The following L1CAM variants were observed in gnomAD, a reference collection of about 807,000 sequenced individuals.
L1CAM encodes the protein L1 cell adhesion molecule.
In L1CAM, 8 loss-of-function variants were observed where a neutral mutation model predicts 93.0. The observed-to-expected ratio is 0.09, with a 90% confidence interval of 0.05 to 0.16. The LOEUF is 0.16. Among genes scored for constraint, L1CAM ranks in the 10% least tolerant of loss-of-function variants. L1CAM has a pLI of 1.00. For missense variants in L1CAM, 777 were observed against 1,073.4 expected (o/e 0.72, Z 3.86); for synonymous variants, 453 against 453.0 (o/e 1.00, Z 0.00).
chrX:153,863,754 C>T, intron 26 of L1CAM, 129 bp downstream of exon 26: 1 of 994,405 alleles, frequency 1.0e-6, no homozygotes, highest in Admixed American at 2.4e-5. Context: ...CCCCTGCCTG[C>T]CCCCACCATG....
At chrX:153,883,397 G>A (rs2064856824) in intron 1 of L1CAM, among the ~76,000 whole-genome samples, 1 of 109,622 alleles carries the variant, frequency 9.1e-6, no homozygotes, top group Non-Finnish European at 1.9e-5. Flanking sequence ...GGCCCTGGGG[G>A]TGGGGCACAG....
chrX:153,876,094 C>G lies in L1CAM; in HGVS notation c.-108-150G>C, dbSNP rs2064812391. The stretch of plus-strand genomic sequence containing the variant: ...GCCGGCTTCTCCAGCCCTCCCCTCC[C>G]CATCCGCACCCCTCCCCACCTTGGA... On this transcript the variant is annotated intron_variant, in intron 1 of 28. Coordinates refer to ENST00000370060, the MANE Select transcript of L1CAM (RefSeq NM_001278116.2). The G allele has an allele frequency of 2.0e-5, 9 of 446,664 alleles. No homozygotes were observed. The Admixed American group carries it at 3.4e-4, about 17-fold the overall frequency. 36.8% of individuals were successfully genotyped at this position (446,664 alleles called of 1,213,427 possible).
At position 153,870,084 on chromosome X, in the gene L1CAM, G is replaced by A. The variant is rs145823218; in HGVS notation, c.963C>T (p.Ala321=). 3.0e-5 allele frequency: 36 copies of A among 1,210,429 alleles called. No homozygotes were observed. The African/African-American group carries it at 5.7e-4, about 19-fold the overall frequency. ...RCLAENSLGS[A]RHAYYVTVEA... is the part of the protein sequence containing the mutation. The stretch of plus-strand genomic sequence containing the variant: ...CCACGGTGACATAGTACGCATGCCG[G>A]GCACTGCCCAGTGAGTTCTCGGCCA... Residue 321 remains alanine (A), a synonymous_variant, in exon 9 of 29, where the codon GCC becomes GCT. Transcript: ENST00000370060.
Position 153,870,420 on chromosome X carries a change from C to T in L1CAM, c.774G>A (p.Gln258=), listed in dbSNP as rs930427854. Residue 258 remains glutamine, a synonymous_variant, in exon 8 of 29, where the codon CAG becomes CAA. Transcript: ENST00000370060. The stretch of plus-strand genomic sequence containing the variant: ...CGGCGATGCACTCCAGGACCAATGG[C>T]TGCCCCTGCAAGGCCACCAGGTGGC... ...SSSHLVALQG[Q]PLVLECIAEG... is the part of the protein sequence containing the mutation. 8.3e-7 allele frequency: 1 copy of T among 1,210,333 alleles called. No individual in the cohort carries two copies. The highest frequency in any genetic ancestry group is 1.7e-5 in the African/African-American group (1 of 57,567).
At chrX:153,874,665 C>T (rs143092299) in intron 2 of L1CAM, among the ~76,000 whole-genome samples, 3,521 of 112,177 alleles carry the variant, frequency 0.031, 148 homozygotes, top group African/African-American at 0.11. Flanking sequence ...AACCCCTATC[C>T]GCCAACTCGT....
intron 2 of L1CAM, among the ~76,000 whole-genome samples, chrX:153,875,276 C>A (rs782299106): frequency 1.1e-4 from 12 of 111,792 alleles, no homozygotes; most frequent in Non-Finnish European, 1.9e-4. Flanking sequence ...TGTCTCAGTT[C>A]AGAGACAGGG....
chrX:153,872,239 C>A lies in L1CAM; in HGVS notation c.313G>T (p.Ala105Ser). The A allele has an allele frequency of 1.7e-6, 2 of 1,208,862 alleles. No individual in the cohort carries two copies. The highest frequency in any genetic ancestry group is 1.8e-5 in the South Asian group (1 of 56,631). Residue 105 changes from alanine (A) to serine (S), a missense_variant, in exon 5 of 29, where the codon GCT becomes TCT. Physicochemically the swap from Ala to Ser is moderately conservative, Grantham distance 99. Transcript: ENST00000370060. The part of the protein sequence containing the change: ...FTITGNNSNF[A>S]QRFQGIYRCF... Reference sequence around the variant, plus strand: ...CGGTAGATGCCCTGGAACCTCTGAGCAAAGTTGCTGTTGTTGCCCGTGATG... The same window carrying A: ...CGGTAGATGCCCTGGAACCTCTGAGAAAAGTTGCTGTTGTTGCCCGTGATG...
chrX:153,879,799 G>C (rs782714900), intron 1 of L1CAM, among the ~76,000 whole-genome samples: 1 of 111,663 alleles, frequency 9.0e-6, no homozygotes, highest in African/African-American at 3.3e-5. Context: ...GGAGGGGGAA[G>C]CACCCAGAAA....
rs781882228 is a variant in L1CAM, at chrX:153,870,274, G to A, written c.807-34C>T. The stretch of plus-strand genomic sequence containing the variant: ...GAGGCAAAGGGAAGAGAGCAGAAGG[G>A]AGAAAGGACAAGGCCAATCACCCCA... On this transcript the variant is annotated intron_variant, in intron 8 of 28. Transcript: ENST00000370060. 4.2e-6 allele frequency: 5 copies of A among 1,200,704 alleles called. No homozygotes were observed. The Admixed American group carries it at 1.1e-4, about 26-fold the overall frequency.
rs983453212 is a variant in L1CAM, at chrX:153,875,938, G to A, written c.-102C>T. 28 of 645,834 alleles carry A rather than the reference G, an allele frequency of 4.3e-5. No individual in the cohort carries two copies. Among genetic ancestry groups the A allele is most frequent in the South Asian group, 1.6e-4 (7 of 43,325 alleles). The allele number at this position is 645,834 out of a possible 1,213,427, so 53.2% of individuals were successfully genotyped here. ...GCGGCTTGGGGCGGGAGTTGGGAGTGGGGGCACTGGGAGAGGGGAGAAGGG... is the reference window on the plus strand; with the variant it reads ...GCGGCTTGGGGCGGGAGTTGGGAGTAGGGGCACTGGGAGAGGGGAGAAGGG... On this transcript the variant is annotated 5_prime_UTR_variant, in exon 2 of 29. Coordinates refer to ENST00000370060, the MANE Select transcript of L1CAM (RefSeq NM_001278116.2).
intron 7 of L1CAM, 36 bp from the exon 8 acceptor site, chrX:153,870,535 C>G (rs1557092800): frequency 9.2e-7 from 1 of 1,086,760 alleles, no homozygotes; most frequent in Admixed American, 2.2e-5. Flanking sequence ...GCTGCCCACT[C>G]TTCCCTCCAC....
chrX:153,885,476 AAGG>A (rs1276959043), intron 1 of L1CAM: 120 of 895,244 alleles, frequency 1.3e-4, no homozygotes, highest in Non-Finnish European at 1.6e-4. Context: ...TGGAAAGAAG[AAGG>A]AGGAGAACAA....
chrX:153,867,753 G>T, intron 16 of L1CAM, 47 bp downstream of exon 16: 1 of 1,126,522 alleles, frequency 8.9e-7, no homozygotes, highest in Non-Finnish European at 1.2e-6. Flanking sequence ...GAGGGGCCAG[G>T]GCTGGCAGAA....
chrX:153,884,307 G>T, intron 1 of L1CAM: 7 of 938,023 alleles, frequency 7.5e-6, no homozygotes, highest in Non-Finnish European at 9.8e-6. Context: ...CAGGGCAGGG[G>T]ACCCCGCCAC....
intron 2 of L1CAM, chrX:153,875,535 G>A (rs1281678645): frequency 1.0e-5 from 5 of 497,509 alleles, no homozygotes; most frequent in African/African-American, 9.3e-5. Flanking sequence ...CGCCCCGGCG[G>A]CCGCGCCTGT....
chrX:153,875,898 G>A lies in L1CAM; in HGVS notation c.-62C>T, dbSNP rs2064810444. The A allele has an allele frequency of 7.5e-6, 8 of 1,063,987 alleles. No individual in the cohort carries two copies. The highest frequency in any genetic ancestry group is 9.0e-6 in the Non-Finnish European group (7 of 777,722). 87.7% of individuals were successfully genotyped at this position (1,063,987 alleles called of 1,213,427 possible). ...CTCGGTTCAGGCTCCGGCCGGAGGG[G>A]AAGGGGGCTGGTGGGCGGCTTGGGG... On this transcript the variant is annotated 5_prime_UTR_variant, in exon 2 of 29. Transcript: ENST00000370060.
rs782440583 is a variant in L1CAM, at chrX:153,870,313, C to T, written c.807-73G>A. 16 of 1,177,769 alleles carry T rather than the reference C, an allele frequency of 1.4e-5. No homozygotes were observed. In the East Asian group the frequency reaches 1.8e-4, roughly 13 times the overall value. On this transcript the variant is annotated intron_variant, in intron 8 of 28. Coordinates refer to ENST00000370060, the MANE Select transcript of L1CAM (RefSeq NM_001278116.2). ...CCAATCACCCCAGCCCCCTATACCCCGCGGTGGTCTGAGCTCCCTGCTAGG... is the reference window on the plus strand; with the variant it reads ...CCAATCACCCCAGCCCCCTATACCCTGCGGTGGTCTGAGCTCCCTGCTAGG...
intron 26 of L1CAM, 127 bp from the exon 27 acceptor site, chrX:153,863,676 A>G (rs2064683967): frequency 1.2e-6 from 1 of 836,852 alleles, no homozygotes; most frequent in East Asian, 3.4e-5. Flanking sequence ...CCTTGAAAGA[A>G]ACCGCTCACC....
chrX:153,867,956 G>T, intron 15 of L1CAM, 42 bp downstream of exon 15: 1 of 1,210,432 alleles, frequency 8.3e-7, no homozygotes, highest in Non-Finnish European at 1.1e-6. Context: ...AGGGATGTGA[G>T]CCCCGGCCTT....
Sources: gnomAD v4.1 joint callset for allele counts (sites outside exome capture counted in the v4.1 genomes callset) on GRCh38, gnomAD v4.1.1 for gene constraint, MANE v1.5 for transcripts, NCBI Gene and HGNC (gene_info 2026-07-23, HGNC 2026-07-21) for gene names.